The following DYNC1I1 variants were observed in gnomAD, a reference collection of about 807,000 sequenced individuals.
The protein encoded by DYNC1I1 is cytoplasmic dynein 1 intermediate chain 1.
A neutral mutation model predicts 86.6 loss-of-function variants in DYNC1I1; 43 were observed. That is an observed-to-expected ratio of 0.50 (90% CI 0.39 to 0.64). DYNC1I1 has a LOEUF of 0.64. Ranked by LOEUF, DYNC1I1 falls within the 30% of genes least tolerant of loss-of-function variation. The pLI is 0.00. For missense variants in DYNC1I1, 604 were observed against 788.8 expected, an observed-to-expected ratio of 0.77 and a Z score of 2.81; for synonymous variants, 262 against 283.7, an observed-to-expected ratio of 0.92 and a Z score of 0.77.
At chr7:96,002,827 G>T (rs1794045495) in intron 10 of DYNC1I1, among the ~76,000 whole-genome samples, 1 of 150,082 alleles carries the variant, frequency 6.7e-6, no homozygotes, top group Non-Finnish European at 1.5e-5. Flanking sequence ...GTTTTTTTTT[G>T]GGTTTTTTTT....
chr7:96,013,024 A>G (rs1794313107), intron 10 of DYNC1I1, among the ~76,000 whole-genome samples: 2 of 152,122 alleles, frequency 1.3e-5, no homozygotes, highest in Admixed American at 6.5e-5. Flanking sequence ...TATAGTGTAC[A>G]CTGCTCAGGT....
At chr7:95,807,291 C>A (rs1794722895) in intron 2 of DYNC1I1, among the ~76,000 whole-genome samples, 1 of 152,104 alleles carries the variant, frequency 6.6e-6, no homozygotes, top group African/African-American at 2.4e-5. Context: ...CTGATCCTTT[C>A]TCACATGGGG....
chr7:96,044,246 G>T (rs1297066398), intron 14 of DYNC1I1, among the ~76,000 whole-genome samples: 2 of 152,064 alleles, frequency 1.3e-5, no homozygotes, highest in East Asian at 3.9e-4. Flanking sequence ...CCTTTAAAAG[G>T]CAGAAAAAGC....
chr7:95,859,702 T>A (rs1402960891), intron 5 of DYNC1I1, among the ~76,000 whole-genome samples: 3 of 152,236 alleles, frequency 2.0e-5, no homozygotes, highest in Non-Finnish European at 4.4e-5. Context: ...TGCATGATAG[T>A]GGTGTGAATC....
intron 1 of DYNC1I1, among the ~76,000 whole-genome samples, chr7:95,788,531 G>A (rs1794207700): frequency 6.6e-6 from 1 of 152,160 alleles, no homozygotes. Context: ...TGGCGCCATT[G>A]AGGTGACTCT....
At chr7:96,005,466 A>G (rs2115816393) in intron 10 of DYNC1I1, among the ~76,000 whole-genome samples, 1 of 152,242 alleles carries the variant, frequency 6.6e-6, no homozygotes, top group South Asian at 2.1e-4. Context: ...GCGATGTTGC[A>G]TATTGCGTTA....
chr7:95,912,775 C>A (rs1584153310), intron 6 of DYNC1I1, among the ~76,000 whole-genome samples: 1 of 152,164 alleles, frequency 6.6e-6, no homozygotes, highest in South Asian at 2.1e-4. Context: ...ACTAATAACC[C>A]ACACTTTTGT....
At chr7:96,058,560 G>A (rs1424008392) in intron 14 of DYNC1I1, among the ~76,000 whole-genome samples, 3 of 152,132 alleles carry the variant, frequency 2.0e-5, no homozygotes, top group Non-Finnish European at 4.4e-5. Context: ...GACAAGGGCA[G>A]ACAAAACCCC....
intron 1 of DYNC1I1, among the ~76,000 whole-genome samples, chr7:95,795,248 G>T (rs1398637209): frequency 6.6e-6 from 1 of 151,822 alleles, no homozygotes; most frequent in Non-Finnish European, 1.5e-5. Flanking sequence ...AACACTGGAA[G>T]GAAAGCATTA....
chr7:95,803,625 G>A (rs560044308), intron 1 of DYNC1I1, among the ~76,000 whole-genome samples: 1 of 152,290 alleles, frequency 6.6e-6, no homozygotes, highest in South Asian at 2.1e-4. Context: ...TCATTGTTCT[G>A]TATTCTTTGG....
chr7:95,780,364 T>C (rs952683012), intron 1 of DYNC1I1, among the ~76,000 whole-genome samples: 6 of 151,776 alleles, frequency 4.0e-5, no homozygotes, highest in African/African-American at 1.5e-4. Flanking sequence ...GCCTCCAGGG[T>C]TCATGCTATT....
intron 5 of DYNC1I1, among the ~76,000 whole-genome samples, chr7:95,849,701 G>T (rs184021019): frequency 6.6e-6 from 1 of 152,088 alleles, no homozygotes; most frequent in East Asian, 1.9e-4. Flanking sequence ...AACTGTTTGG[G>T]GTCTTTTGTG....
intron 11 of DYNC1I1, among the ~76,000 whole-genome samples, chr7:96,031,381 T>G (rs1157864562): frequency 1.3e-5 from 2 of 152,164 alleles, no homozygotes; most frequent in African/African-American, 2.4e-5. Flanking sequence ...CTATAAATAT[T>G]CAAAAAGCTG....
intron 6 of DYNC1I1, among the ~76,000 whole-genome samples, chr7:95,969,519 C>T (rs549611814): frequency 2.6e-5 from 4 of 152,192 alleles, no homozygotes; most frequent in Non-Finnish European, 5.9e-5. Flanking sequence ...CACAGACTCC[C>T]ACCTGAGTAT....
At chr7:95,881,407 T>G (rs1790452484) in intron 6 of DYNC1I1, among the ~76,000 whole-genome samples, 1 of 152,186 alleles carries the variant, frequency 6.6e-6, no homozygotes, top group African/African-American at 2.4e-5. Context: ...ACTATTACCA[T>G]AAAGCCATAG....
intron 6 of DYNC1I1, among the ~76,000 whole-genome samples, chr7:95,936,958 A>T (rs73228465): frequency 7.6e-4 from 44 of 58,276 alleles, no homozygotes; most frequent in Middle Eastern, 9.8e-3. Flanking sequence ...AATATGTCTC[A>T]CACACACACA....
intron 6 of DYNC1I1, among the ~76,000 whole-genome samples, chr7:95,871,989 T>C (rs934781200): frequency 5.3e-5 from 8 of 152,198 alleles, no homozygotes; most frequent in African/African-American, 1.7e-4. Flanking sequence ...AACCTTTCAA[T>C]TTGGGTTCAG....
chr7:95,940,990 T>C (rs1792197436), intron 6 of DYNC1I1, among the ~76,000 whole-genome samples: 1 of 152,226 alleles, frequency 6.6e-6, no homozygotes, highest in South Asian at 2.1e-4. Flanking sequence ...TGGATGTCCT[T>C]TCTGTTTGTT....
chr7:96,046,636 G>A (rs1278682812), intron 14 of DYNC1I1, among the ~76,000 whole-genome samples: 1 of 152,214 alleles, frequency 6.6e-6, no homozygotes, highest in African/African-American at 2.4e-5. Flanking sequence ...AAGAAGCCCA[G>A]TTGTAAGTCT....
Sources: gnomAD v4.1 joint callset for allele counts (sites outside exome capture counted in the v4.1 genomes callset) on GRCh38, gnomAD v4.1.1 for gene constraint, MANE v1.5 for transcripts, NCBI Gene and HGNC (gene_info 2026-07-23, HGNC 2026-07-21) for gene names.